Variants in CELSR1 observed in about 807,000 individuals in gnomAD.
CELSR1 encodes the protein adhesion G protein-coupled receptor C1.
In CELSR1, 110 loss-of-function variants were observed where a neutral mutation model predicts 249.1. The observed-to-expected ratio is 0.44, with a 90% CI of 0.38 to 0.52. The LOEUF is 0.52. CELSR1 is among the 20% of genes least tolerant of loss of function. The pLI, the probability that CELSR1 is intolerant of heterozygous loss-of-function variation, is 0.00. For missense variants in CELSR1, 4,109 were observed against 4,296.4 expected, an observed-to-expected ratio of 0.96 and a Z score of 1.22; for synonymous variants, 2,113 against 1,900.0, an observed-to-expected ratio of 1.11 and a Z score of -2.92.
chr22:46,363,182 G>T lies in CELSR1; in HGVS notation c.*41C>A. The T allele has an allele frequency of 1.2e-6, 2 of 1,613,558 alleles. No homozygotes were observed. Among genetic ancestry groups the T allele is most frequent in the Non-Finnish European group, 1.7e-6 (2 of 1,179,854 alleles). On this transcript the variant is annotated 3_prime_UTR_variant, in exon 35 of 35. Coordinates refer to ENST00000674500, the MANE Select transcript of CELSR1 (RefSeq NM_001378328.1). This position sits in a 1 kb window ranked among gnomAD's most constrained non-coding sequence, Gnocchi z 4.3. Reference sequence around the variant, plus strand: ...GTGTGGGGTGACGGGCTTGCCTCACGGTTTCCTGATGGTTCAAATTGAAGT... The same window carrying T: ...GTGTGGGGTGACGGGCTTGCCTCACTGTTTCCTGATGGTTCAAATTGAAGT...
Position 46,429,497 on chromosome 22 carries a change from C to G in CELSR1, c.4611+3896G>C, listed in dbSNP as rs2079570815. ...GCCACACAAATGTACAAGTGCCTGC[C>G]TTTGAAAAGACCGTCCTGGAAAAAC... On this transcript the variant is annotated intron_variant, in intron 5 of 34. Transcript: ENST00000674500. The surrounding 1 kb of genome is among the most constrained non-coding windows in gnomAD (Gnocchi z 4.1). Among the ~76,000 whole-genome samples, 1 of 152,248 alleles carries G rather than the reference C, an allele frequency of 6.6e-6. No individual in the cohort carries two copies. Among genetic ancestry groups the G allele is most frequent in the Admixed American group, 6.5e-5 (1 of 15,290 alleles).
Position 46,406,665 on chromosome 22 carries a change from C to T in CELSR1, c.5226+2331G>A, listed in dbSNP as rs949058921. ...CAGAACTGTTTCTAGATGGGCTGTC[C>T]TTAGGAGTGACAGAGAAGGGCCTGT... On this transcript the variant is annotated intron_variant, in intron 9 of 34. Coordinates refer to ENST00000674500, the MANE Select transcript of CELSR1 (RefSeq NM_001378328.1). The surrounding 1 kb of genome is among the most constrained non-coding windows in gnomAD (Gnocchi z 5.4). 7.9e-5 allele frequency among the ~76,000 whole-genome samples: 12 copies of T among 152,224 alleles called. No homozygotes were observed. The highest frequency in any genetic ancestry group is 2.7e-4 in the African/African-American group (11 of 41,454).
At chr22:46,377,489 G>A (rs898845730) in intron 23 of CELSR1, 11 of 569,086 alleles carry the variant, frequency 1.9e-5, no homozygotes, top group Non-Finnish European at 3.1e-5. Context: ...GCGGCAGCAC[G>A]CCAGGCTCCC....
Position 46,520,099 on chromosome 22 carries a change from C to T in CELSR1, c.3544+13528G>A, listed in dbSNP as rs561464900. ...AGGTTGGCCAGGCTGGTCTCCAACTCCTGACCTCAGGTGATCCACCCGCCT... is the reference window on the plus strand; with the variant it reads ...AGGTTGGCCAGGCTGGTCTCCAACTTCTGACCTCAGGTGATCCACCCGCCT... On this transcript the variant is annotated intron_variant, in intron 1 of 34. Coordinates refer to ENST00000674500, the MANE Select transcript of CELSR1 (RefSeq NM_001378328.1). Among the ~76,000 whole-genome samples the T allele has an allele frequency of 6.0e-3, 916 of 152,168 alleles. 7 individuals carry two copies. The highest frequency in any genetic ancestry group is 0.011 in the Non-Finnish European group (746 of 68,016).
At chr22:46,461,279 A>G (rs1217569800) in intron 2 of CELSR1, among the ~76,000 whole-genome samples, 1 of 152,240 alleles carries the variant, frequency 6.6e-6, no homozygotes, top group Admixed American at 6.5e-5. Context: ...CATGCCAATC[A>G]TTACATGTTA....
In CELSR1 at chr22:46,522,797, T is replaced by C. The variant is rs570456808; in HGVS notation, c.3544+10830A>G. Among the ~76,000 whole-genome samples, 30 of 152,064 alleles carry C rather than the reference T, an allele frequency of 2.0e-4. No homozygotes were observed. The South Asian group carries it at 3.7e-3, about 19-fold the overall frequency. Reference sequence around the variant, plus strand: ...GGGATGGCCATTCCACCTTCGGAGGTCCAGAGGGGGCCAGGCAGACCCAGC... The same window carrying C: ...GGGATGGCCATTCCACCTTCGGAGGCCCAGAGGGGGCCAGGCAGACCCAGC... On this transcript the variant is annotated intron_variant, in intron 1 of 34. Transcript: ENST00000674500.
At position 46,363,564 on chromosome 22, in the gene CELSR1, G is replaced by A. The variant is rs1232240532; in HGVS notation, c.9036-317C>T. ...ACCTGGCTTCTCCCTTGTGAGTTTGGAGGGAGGGAGGGGCGACAGGGAGAG... is the reference window on the plus strand; with the variant it reads ...ACCTGGCTTCTCCCTTGTGAGTTTGAAGGGAGGGAGGGGCGACAGGGAGAG... On this transcript the variant is annotated intron_variant, in intron 34 of 34. Transcript: ENST00000674500. This position sits in a 1 kb window ranked among gnomAD's most constrained non-coding sequence, Gnocchi z 4.3. 8.7e-6 allele frequency: 3 copies of A among 346,580 alleles called. No homozygotes were observed. The allele number at this position is 346,580 out of a possible 1,614,324, so 21.5% of individuals were successfully genotyped here.
chr22:46,521,038 G>A (rs1392377090), intron 1 of CELSR1, among the ~76,000 whole-genome samples: 2 of 152,192 alleles, frequency 1.3e-5, no homozygotes, highest in African/African-American at 2.4e-5. Context: ...CACCCACGTT[G>A]TAGTAAGTGT....
intron 12 of CELSR1, among the ~76,000 whole-genome samples, chr22:46,397,471 C>A (rs747364313): frequency 6.6e-6 from 1 of 151,996 alleles, no homozygotes; most frequent in Admixed American, 6.6e-5. Flanking sequence ...AGGAGAGCGC[C>A]TGGGGCACTC....
intron 1 of CELSR1, among the ~76,000 whole-genome samples, chr22:46,497,867 A>G (rs2147720802): frequency 6.6e-6 from 1 of 152,314 alleles, no homozygotes; most frequent in South Asian, 2.1e-4. Context: ...ACCCATTAGA[A>G]TAATCTAAGA....
rs1211677640 is a variant in CELSR1 at position 46,413,885 on chromosome 22, C to T, written c.4612-2126G>A. On this transcript the variant is annotated intron_variant, in intron 5 of 34. Coordinates refer to ENST00000674500, the MANE Select transcript of CELSR1 (RefSeq NM_001378328.1). The surrounding 1 kb of genome is among the most constrained non-coding windows in gnomAD (Gnocchi z 4.7). ...CTTTGTGAGCCCCACCTTATCTTTA[C>T]AACTTATAATTTACATTTTTGGGGC... Among the ~76,000 whole-genome samples the T allele has an allele frequency of 1.3e-5, 2 of 152,200 alleles. No individual in the cohort carries two copies. The highest frequency in any genetic ancestry group is 1.3e-4 in the Admixed American group (2 of 15,266).
At chr22:46,386,335 G>C in intron 19 of CELSR1, 67 bp downstream of exon 19, 1 of 1,427,984 alleles carries the variant, frequency 7.0e-7, no homozygotes, top group Non-Finnish European at 9.2e-7. Flanking sequence ...CACCCCATGG[G>C]GGCCTAGCTC....
intron 1 of CELSR1, among the ~76,000 whole-genome samples, chr22:46,531,537 T>G (rs2080792449): frequency 6.6e-6 from 1 of 152,206 alleles, no homozygotes; most frequent in African/African-American, 2.4e-5. Flanking sequence ...CATTTGACCC[T>G]GGAATAATTC....
chr22:46,373,667 A>AGGGGGAGATGGGGGAGAT (rs756002744), intron 24 of CELSR1, among the ~76,000 whole-genome samples: 6 of 50,918 alleles, frequency 1.2e-4, no homozygotes, highest in African/African-American at 1.6e-4. Flanking sequence ...ATGGGGGAGA[A>AGGGGGAGATGGGGGAGAT]GGGGGAGATG....
chr22:46,373,731 G>GGGAGCAATA (rs1278522874), intron 24 of CELSR1, among the ~76,000 whole-genome samples: 75 of 148,818 alleles, frequency 5.0e-4, no homozygotes, highest in Non-Finnish European at 9.6e-4. Context: ...TGGGAGCAAT[G>GGGAGCAATA]GGAGCAATAG....
chr22:46,469,975 G>GGGAGGAGGAGGGGAGGGAGGGA (rs2080137623), intron 1 of CELSR1, among the ~76,000 whole-genome samples: 1 of 9,630 alleles, frequency 1.0e-4, no homozygotes, highest in Non-Finnish European at 2.9e-4. Context: ...AAGGGAGGGA[G>GGGAGGAGGAGGGGAGGGAGGGA]GGAGGAGGAG....
At chr22:46,531,690 G>C (rs2080793748) in intron 1 of CELSR1, among the ~76,000 whole-genome samples, 1 of 152,162 alleles carries the variant, frequency 6.6e-6, no homozygotes, top group African/African-American at 2.4e-5. Context: ...CAACACCCCA[G>C]GGCCTCAGTG....
chr22:46,516,554 G>C (rs147454481), intron 1 of CELSR1, among the ~76,000 whole-genome samples: 1 of 151,844 alleles, frequency 6.6e-6, no homozygotes, highest in East Asian at 1.9e-4. Context: ...TGCCCAGGCC[G>C]GTCTTGAACT....
At chr22:46,366,337 C>G in intron 30 of CELSR1, 49 bp downstream of exon 30, 1 of 1,371,850 alleles carries the variant, frequency 7.3e-7, no homozygotes, top group Non-Finnish European at 9.7e-7. Context: ...GGGGCAAAAC[C>G]TGAGGGAGTT....
Sources: gnomAD v4.1 joint callset for allele counts (sites outside exome capture counted in the v4.1 genomes callset) on GRCh38, gnomAD v4.1.1 for gene constraint, Gnocchi (gnomAD v3.1) non-coding constraint, MANE v1.5 for transcripts, NCBI Gene and HGNC (gene_info 2026-07-23, HGNC 2026-07-21) for gene names.